PRSS23: variants seen among roughly 807,000 people sequenced by gnomAD.
PRSS23 encodes the protein protease, serine 23.
In PRSS23, 25 loss-of-function variants were observed where a neutral mutation model predicts 34.7. That is an observed-to-expected ratio of 0.72 (90% CI 0.53 to 1.01). The LOEUF is 1.01. Ranked by LOEUF, PRSS23 falls within the 50% of genes least tolerant of loss-of-function variation. PRSS23 has a pLI of 0.00. For missense variants in PRSS23, 445 were observed against 475.6 expected, an observed-to-expected ratio of 0.94 and a Z score of 0.60; for synonymous variants, 176 against 186.6, an observed-to-expected ratio of 0.94 and a Z score of 0.46.
Position 86,811,069 on chromosome 11 carries a change from A to C in PRSS23, c.*2274A>C, listed in dbSNP as rs573641965. ...TGCCTTATGATTTTCTACCAAAAGT[A>C]AAAAGGGTTGTATTAAGTCAGAGGA... On this transcript the variant is annotated 3_prime_UTR_variant, in exon 2 of 2. Transcript: ENST00000280258. 1 of 167,014 alleles carries C rather than the reference A, an allele frequency of 6.0e-6. No homozygotes were observed. Among genetic ancestry groups the C allele is most frequent in the African/African-American group, 2.4e-5 (1 of 41,470 alleles). The allele number at this position is 167,014 out of a possible 1,614,324, so 10.3% of individuals were successfully genotyped here.
At chr11:86,936,276 A>AT (rs200032295) in intron 2 of PRSS23, 1,809 of 151,144 alleles carry the variant, frequency 0.012, 31 homozygotes, top group African/African-American at 0.04. Context: ...CAATTACTTT[A>AT]TTTTTTTTTG....
At chr11:86,922,746 A>C (rs1228839407) in intron 2 of PRSS23, among the ~76,000 whole-genome samples, 1 of 152,206 alleles carries the variant, frequency 6.6e-6, no homozygotes, top group Non-Finnish European at 1.5e-5. Context: ...GACACCCAGC[A>C]TTGAATTATA....
At position 86,807,195 on chromosome 11, in the gene PRSS23, T is replaced by G. The variant is rs565711648; in HGVS notation, c.-13-436T>G. Among the ~76,000 whole-genome samples the G allele has an allele frequency of 7.2e-5, 11 of 152,096 alleles. No individual in the cohort carries two copies. In the South Asian group the frequency reaches 2.3e-3, roughly 32 times the overall value. ...CAAGTTGCTCTGAAAATTTTCCAAG[T>G]ACATGTTACAATGAGAATGAGAGAA... On this transcript the variant is annotated intron_variant, in intron 1 of 1. Coordinates refer to ENST00000280258, the MANE Select transcript of PRSS23 (RefSeq NM_007173.6).
At chr11:86,897,435 A>G (rs1427758125) in intron 2 of PRSS23, among the ~76,000 whole-genome samples, 2 of 152,140 alleles carry the variant, frequency 1.3e-5, no homozygotes, top group Non-Finnish European at 2.9e-5. Context: ...AGTGCCTGGC[A>G]CATAGTAAAC....
intron 2 of PRSS23, among the ~76,000 whole-genome samples, chr11:86,944,258 C>T (rs1949225704): frequency 2.0e-5 from 3 of 151,300 alleles, no homozygotes. Flanking sequence ...TCCAAATTTC[C>T]CAGTTTTTAT....
At chr11:86,906,846 ATC>A (rs1210267649) in intron 2 of PRSS23, among the ~76,000 whole-genome samples, 1 of 152,122 alleles carries the variant, frequency 6.6e-6, no homozygotes, top group Non-Finnish European at 1.5e-5. Context: ...TGGCATTTGT[ATC>A]TCTGTACAAA....
intron 1 of PRSS23, among the ~76,000 whole-genome samples, chr11:86,819,750 A>G (rs1345603110): frequency 1.3e-5 from 2 of 152,224 alleles, no homozygotes; most frequent in Non-Finnish European, 2.9e-5. Context: ...TAAATTTGAA[A>G]AAACAATTAA....
intron 1 of PRSS23, among the ~76,000 whole-genome samples, chr11:86,803,927 C>T (rs1475541327): frequency 6.6e-6 from 1 of 152,056 alleles, no homozygotes; most frequent in Non-Finnish European, 1.5e-5. Context: ...TTTTCCTTTC[C>T]CCCTCCTTTG....
intron 2 of PRSS23, among the ~76,000 whole-genome samples, chr11:86,904,585 C>G (rs1948930406): frequency 1.3e-5 from 2 of 152,194 alleles, no homozygotes. Flanking sequence ...CATTATTCCT[C>G]TATTCTATGG....
chr11:86,911,418 G>A (rs569849580), intron 2 of PRSS23: 1 of 151,734 alleles, frequency 6.6e-6, no homozygotes, highest in Non-Finnish European at 1.5e-5. Context: ...CACCCAAATA[G>A]TGAACATAGT....
At position 86,808,555 on chromosome 11, in the gene PRSS23, G is replaced by C. The variant is rs370719762; in HGVS notation, c.912G>C (p.Leu304Phe). 6.2e-7 allele frequency: 1 copy of C among 1,614,190 alleles called. No homozygotes were observed. Among genetic ancestry groups the C allele is most frequent in the Non-Finnish European group, 8.5e-7 (1 of 1,180,030 alleles). The change falls in exon 2 of 2, where the codon TTG (leucine) becomes TTC (phenylalanine). Residue 304 changes from leucine (L) to phenylalanine (F), a missense_variant. Leu to Phe is a conservative substitution (Grantham distance 22). Transcript: ENST00000280258. ...FCDVKDETYD[L>F]LYQQCDAQPG... ...ACGTCAAAGACGAGACCTATGACTT[G>C]CTCTACCAGCAATGCGATGCCCAGC... is the stretch of plus-strand genomic sequence containing the variant.
At chr11:86,838,749 G>T (rs1307177534) in intron 2 of PRSS23, among the ~76,000 whole-genome samples, 1 of 152,166 alleles carries the variant, frequency 6.6e-6, no homozygotes, top group East Asian at 1.9e-4. Flanking sequence ...AAACAGGTGG[G>T]TGCCCCTCTC....
At chr11:86,825,748 CA>C (rs1208277608) in intron 2 of PRSS23, among the ~76,000 whole-genome samples, 1 of 151,766 alleles carries the variant, frequency 6.6e-6, no homozygotes, top group Non-Finnish European at 1.5e-5. Context: ...ATCCTTTCCC[CA>C]TTGCTTGTTT....
chr11:86,855,503 CGT>C (rs372073135), intron 2 of PRSS23, among the ~76,000 whole-genome samples: 2 of 151,612 alleles, frequency 1.3e-5, no homozygotes, highest in Admixed American at 1.3e-4. Flanking sequence ...GATTTCTTTG[CGT>C]GTGTGTGTGT....
Position 86,924,300 on chromosome 11 carries a change from T to C in PRSS23, c.207-26916T>C, listed in dbSNP as rs549274209. On this transcript the variant is annotated intron_variant, in intron 2 of 2. Coordinates refer to the PRSS23 transcript ENST00000533902. ...CAGAGACTGGGAAAGGAACAGGGAATGTGCTCAGAGAAGAAAGGGCTGCTG... is the reference window on the plus strand; with the variant it reads ...CAGAGACTGGGAAAGGAACAGGGAACGTGCTCAGAGAAGAAAGGGCTGCTG... 1.2e-4 allele frequency among the ~76,000 whole-genome samples: 18 copies of C among 152,248 alleles called. 1 individual carries two copies. The highest frequency in any genetic ancestry group is 9.8e-4 in the Admixed American group (15 of 15,290).
At chr11:86,915,459 T>A (rs1025960085) in intron 2 of PRSS23, among the ~76,000 whole-genome samples, 1 of 151,360 alleles carries the variant, frequency 6.6e-6, no homozygotes, top group African/African-American at 2.4e-5. Context: ...TGGAGGCTTA[T>A]AAGGAAATGA....
intron 2 of PRSS23, among the ~76,000 whole-genome samples, chr11:86,939,423 T>TGTTTTTTTTTTTTAAA (rs1565392807): frequency 1.0e-5 from 1 of 100,430 alleles, no homozygotes; most frequent in Non-Finnish European, 2.2e-5. Flanking sequence ...TATATATATA[T>TGTTTTTTTTTTTTAAA]ATATTTTTTA....
At chr11:86,879,540 G>T (rs1233327356) in intron 2 of PRSS23, among the ~76,000 whole-genome samples, 2 of 138,804 alleles carry the variant, frequency 1.4e-5, no homozygotes, top group Admixed American at 1.4e-4. Flanking sequence ...CCGTCCGGGA[G>T]GGAGGTGGGG....
chr11:86,833,142 A>T, intron 2 of PRSS23: 1 of 758,454 alleles, frequency 1.3e-6, no homozygotes, highest in Non-Finnish European at 2.3e-6. Flanking sequence ...TGCCTCCAAA[A>T]ACAGCAAAGA....
Sources: allele counts gnomAD v4.1 joint callset (sites outside exome capture counted in the v4.1 genomes callset), GRCh38; gene constraint gnomAD v4.1.1; transcripts MANE v1.5; gene names NCBI Gene and HGNC (gene_info 2026-07-23, HGNC 2026-07-21).